NETO2: variants seen among roughly 807,000 people sequenced by gnomAD.
NETO2 encodes the protein neuropilin and tolloid-like protein 2.
NETO2 carries 28 observed loss-of-function variants against 62.5 expected under a neutral mutation model. The observed-to-expected ratio is 0.45, with a 90% CI of 0.33 to 0.61. The LOEUF (loss-of-function observed/expected upper bound fraction) is 0.61. Among genes scored for constraint, NETO2 ranks in the 20% least tolerant of loss-of-function variants. NETO2 has a pLI of 0.02. For synonymous variants in NETO2, 214 were observed against 219.1 expected (o/e 0.98, Z 0.21); for missense variants, 548 against 643.2 (o/e 0.85, Z 1.60).
intron 1 of NETO2, among the ~76,000 whole-genome samples, chr16:47,132,819 G>A (rs757718340): frequency 5.9e-5 from 9 of 152,196 alleles, no homozygotes; most frequent in Non-Finnish European, 4.4e-5. Flanking sequence ...CAGGTGTGGA[G>A]AGAGAAATCG....
chr16:47,097,496 T>C (rs1388496785), intron 7 of NETO2, among the ~76,000 whole-genome samples: 2 of 152,216 alleles, frequency 1.3e-5, no homozygotes, highest in Admixed American at 6.5e-5. Context: ...GGGCAGGGCA[T>C]CTCTGAAAGA....
At chr16:47,143,528 C>T in intron 1 of NETO2, 51 bp downstream of exon 1, 1 of 1,218,518 alleles carries the variant, frequency 8.2e-7, no homozygotes. Context: ...GGCGGCGCGC[C>T]AGCCTCGGCC....
rs1964516792 is a variant in NETO2 at position 47,143,775 on chromosome 16, T to A, written c.-163A>T. 1 of 989,984 alleles carries A rather than the reference T, an allele frequency of 1.0e-6. No homozygotes were observed. Among genetic ancestry groups the A allele is most frequent in the Non-Finnish European group, 1.3e-6 (1 of 778,160 alleles). The allele number at this position is 989,984 out of a possible 1,614,324, so 61.3% of individuals were successfully genotyped here. ...AGAGCTCAGGTCCTGCGGCCCGCCA[T>A]GCCCGAGCCCCACAGTGGGCTCCCG... On this transcript the variant is annotated 5_prime_UTR_variant, in exon 1 of 9. An upstream start codon of the reference 5' UTR is lost. Coordinates refer to ENST00000562435, the MANE Select transcript of NETO2 (RefSeq NM_018092.5).
chr16:47,119,602 ATTTG>A (rs1446439641), intron 6 of NETO2, among the ~76,000 whole-genome samples: 14 of 142,408 alleles, frequency 9.8e-5, no homozygotes, highest in South Asian at 2.3e-4. Flanking sequence ...CTTTCTTTGG[ATTTG>A]TTTTTCTTTT....
intron 7 of NETO2, among the ~76,000 whole-genome samples, chr16:47,100,958 C>T (rs999359087): frequency 1.3e-5 from 2 of 152,168 alleles, no homozygotes; most frequent in African/African-American, 4.8e-5. Flanking sequence ...TTTATGTGGC[C>T]AGCATCATCC....
At chr16:47,131,838 T>G in intron 2 of NETO2, 131 bp downstream of exon 2, 1 of 722,244 alleles carries the variant, frequency 1.4e-6, no homozygotes, top group Non-Finnish European at 2.5e-6. Context: ...GCTGATGGGT[T>G]GACAGAAAGC....
At chr16:47,142,913 G>A (rs893306002) in intron 1 of NETO2, among the ~76,000 whole-genome samples, 4 of 152,026 alleles carry the variant, frequency 2.6e-5, no homozygotes, top group African/African-American at 9.7e-5. Context: ...GACCTCTGGC[G>A]GAGCGCGAGG....
chr16:47,111,131 C>T lies in NETO2; in HGVS notation c.655-1420G>A, dbSNP rs568839944. Reference sequence around the variant, plus strand: ...GAGCTCTAATGCTGTAATGACTTCCCTCTTCCACTAGACTGTGATGTCTTC... The same window carrying T: ...GAGCTCTAATGCTGTAATGACTTCCTTCTTCCACTAGACTGTGATGTCTTC... On this transcript the variant is annotated intron_variant, in intron 6 of 8. Coordinates refer to ENST00000562435, the MANE Select transcript of NETO2 (RefSeq NM_018092.5). 4.6e-5 allele frequency among the ~76,000 whole-genome samples: 7 copies of T among 152,340 alleles called. No homozygotes were observed. In the East Asian group the frequency reaches 1.4e-3, roughly 29 times the overall value.
At chr16:47,120,924 G>A (rs370620554) in intron 6 of NETO2, among the ~76,000 whole-genome samples, 2 of 151,022 alleles carry the variant, frequency 1.3e-5, no homozygotes, top group African/African-American at 4.9e-5. Context: ...TTTCATGTCA[G>A]ATAGGCAATG....
chr16:47,137,263 G>T (rs1375274315), intron 1 of NETO2, among the ~76,000 whole-genome samples: 1 of 152,222 alleles, frequency 6.6e-6, no homozygotes, highest in Non-Finnish European at 1.5e-5. Flanking sequence ...TTAACTCACA[G>T]ATGGGAGTAC....
chr16:47,132,058 AT>A, intron 1 of NETO2, 33 bp from the exon 2 acceptor site: 1 of 1,497,582 alleles, frequency 6.7e-7, no homozygotes, highest in Non-Finnish European at 9.3e-7. Context: ...AAGTTATGAA[AT>A]TGAATCTATA....
intron 7 of NETO2, among the ~76,000 whole-genome samples, chr16:47,090,158 C>T (rs1395488140): frequency 2.0e-5 from 3 of 152,080 alleles, no homozygotes; most frequent in Non-Finnish European, 2.9e-5. Context: ...GCCTTAAAGA[C>T]AGGTTTACCA....
In NETO2 at chr16:47,109,557, C is replaced by G; in HGVS notation, c.809G>C (p.Gly270Ala). 1 of 1,614,104 alleles carries G rather than the reference C, an allele frequency of 6.2e-7. No homozygotes were observed. Among genetic ancestry groups the G allele is most frequent in the East Asian group, 2.2e-5 (1 of 44,870 alleles). The change falls in exon 7 of 9, where the codon GGA becomes GCA. Residue 270 changes from glycine (G) to alanine (A), a missense_variant. Transcript: ENST00000562435. ...TTCATCTGCCCACATTCGAATCACT[C>G]CAATTCCTGTTTTAAGCATTACATC... Reference protein sequence around the residue: ...ANDVMLKTGIGVIRMWADEGS... With the variant: ...ANDVMLKTGIAVIRMWADEGS...
In NETO2 at chr16:47,083,876, T is replaced by C. The variant is rs1045790665; in HGVS notation, c.998-75A>G. The C allele has an allele frequency of 1.8e-5, 21 of 1,165,030 alleles. No homozygotes were observed. The African/African-American group carries it at 2.2e-4, about 12-fold the overall frequency. 72.2% of individuals were successfully genotyped at this position (1,165,030 alleles called of 1,614,324 possible). On this transcript the variant is annotated intron_variant, in intron 8 of 8. Coordinates refer to ENST00000562435, the MANE Select transcript of NETO2 (RefSeq NM_018092.5). Reference sequence around the variant, plus strand: ...AATCCTGGTACAAATTAGTAAGGTATTTTTAGGTAAAACAGAATACTTGGG... The same window carrying C: ...AATCCTGGTACAAATTAGTAAGGTACTTTTAGGTAAAACAGAATACTTGGG...
In NETO2 at chr16:47,083,616, G is replaced by T. The variant is rs746260973; in HGVS notation, c.1183C>A (p.Pro395Thr). 1.2e-6 allele frequency: 2 copies of T among 1,614,156 alleles called. No homozygotes were observed. Residue 395 changes from proline to threonine, a missense_variant, in exon 9 of 9, where the codon CCT (proline) becomes ACT (threonine). By Grantham distance (38) the Pro-to-Thr change is conservative (BLOSUM62 -1). Transcript: ENST00000562435. ...NKTGFQEVFD[P>T]PHYELFSLRD... is the part of the protein sequence containing the mutation. ...AGTGAAAACAGTTCATAATGAGGAGGATCAAACACTTCTTGGAACCCGGTT... is the reference window on the plus strand; with the variant it reads ...AGTGAAAACAGTTCATAATGAGGAGTATCAAACACTTCTTGGAACCCGGTT...
chr16:47,087,383 C>T (rs1963216654), intron 7 of NETO2, among the ~76,000 whole-genome samples: 1 of 151,920 alleles, frequency 6.6e-6, no homozygotes, highest in Middle Eastern at 3.2e-3. Context: ...TATTGAGGTG[C>T]CTAGAAGAGG....
rs1324613759 is a variant in NETO2, at chr16:47,080,131, T to C, written c.*3090A>G. The C allele has an allele frequency of 6.6e-6, 1 of 152,188 alleles. No individual in the cohort carries two copies. The highest frequency in any genetic ancestry group is 2.4e-5 in the African/African-American group (1 of 41,444). 9.4% of individuals were successfully genotyped at this position (152,188 alleles called of 1,614,324 possible). A position where few individuals can be genotyped will look rare whatever the true frequency, so the allele number is the denominator to read the frequency against. On this transcript the variant is annotated 3_prime_UTR_variant, in exon 9 of 9. Coordinates refer to ENST00000562435, the MANE Select transcript of NETO2 (RefSeq NM_018092.5). ...ACATTCTTTGCCTTTTGTTAAACGTTTAGATTGACACTCTCCCCACACACA... is the reference window on the plus strand; with the variant it reads ...ACATTCTTTGCCTTTTGTTAAACGTCTAGATTGACACTCTCCCCACACACA...
At chr16:47,142,560 T>C (rs1443180396) in intron 1 of NETO2, among the ~76,000 whole-genome samples, 2 of 152,214 alleles carry the variant, frequency 1.3e-5, no homozygotes, top group Non-Finnish European at 2.9e-5. Flanking sequence ...GCCTCAGCCG[T>C]ACCCTCGAAA....
chr16:47,090,970 T>A (rs2143819498), intron 7 of NETO2, among the ~76,000 whole-genome samples: 1 of 152,342 alleles, frequency 6.6e-6, no homozygotes, highest in Admixed American at 6.5e-5. Flanking sequence ...GAAATACTAA[T>A]TGTTTCCATG....
Sources: gnomAD v4.1 joint callset for allele counts (sites outside exome capture counted in the v4.1 genomes callset) on GRCh38, gnomAD v4.1.1 for gene constraint, MANE v1.5 for transcripts, NCBI Gene and HGNC (gene_info 2026-07-23, HGNC 2026-07-21) for gene names.